Variants in SAMD5 observed in about 807,000 individuals in gnomAD.
SAMD5 encodes the protein sterile alpha motif domain containing 5, also known as sterile alpha motif domain-containing protein 5.
A neutral mutation model predicts 11.3 loss-of-function variants in SAMD5; 13 were observed. The observed-to-expected ratio is 1.15, with a 90% CI of 0.75 to 1.83. The LOEUF (loss-of-function observed/expected upper bound fraction) is 1.83. Ranked by LOEUF, SAMD5 falls within the 40% of genes most tolerant of loss-of-function variation. The probability of loss-of-function intolerance (pLI) is 0.00; values close to 1 mark genes in which losing one functional copy is unlikely to be tolerated. For missense variants in SAMD5, 255 were observed against 239.1 expected, an observed-to-expected ratio of 1.07 and a Z score of -0.44; for synonymous variants, 129 against 111.3, an observed-to-expected ratio of 1.16 and a Z score of -1.00.
chr6:147,545,999 T>G (rs1788679434), intron 1 of SAMD5, among the ~76,000 whole-genome samples: 2 of 152,200 alleles, frequency 1.3e-5, no homozygotes, highest in African/African-American at 4.8e-5. Context: ...TGGGTATTAT[T>G]CAGGATAAGG....
chr6:147,527,804 GT>G (rs36087874), intron 1 of SAMD5, among the ~76,000 whole-genome samples: 2 of 151,844 alleles, frequency 1.3e-5, no homozygotes, highest in Non-Finnish European at 2.9e-5. Flanking sequence ...ATAAAGAAAG[GT>G]TTTTTTTATA....
the SAMD5 span, among the ~76,000 whole-genome samples, chr6:147,918,506 C>A: frequency 6.6e-6 from 1 of 151,960 alleles, no homozygotes; most frequent in African/African-American, 2.4e-5. Context: ...GGCAATCAGG[C>A]AGGAGAAAGA....
At chr6:147,784,639 GACAAT>G in the SAMD5 span, among the ~76,000 whole-genome samples, 1 of 152,134 alleles carries the variant, frequency 6.6e-6, no homozygotes, top group South Asian at 2.1e-4. Context: ...TTTCCTTCAA[GACAAT>G]ACAAATGGTG....
chr6:147,693,256 AG>A (rs949527944), intron 1 of SAMD5, among the ~76,000 whole-genome samples: 1 of 152,180 alleles, frequency 6.6e-6, no homozygotes, highest in African/African-American at 2.4e-5. Context: ...AAGTCCTTTC[AG>A]TGTGTGTGCC....
the SAMD5 span, among the ~76,000 whole-genome samples, chr6:147,873,012 G>T: frequency 6.6e-6 from 1 of 152,164 alleles, no homozygotes; most frequent in Non-Finnish European, 1.5e-5. Context: ...GAACTGAATT[G>T]ATCTATGCCT....
chr6:147,668,378 T>G (rs1790750478), intron 1 of SAMD5, among the ~76,000 whole-genome samples: 1 of 152,206 alleles, frequency 6.6e-6, no homozygotes, highest in Admixed American at 6.5e-5. Context: ...TAGTTTATAA[T>G]TTTTCCCATA....
the SAMD5 span, among the ~76,000 whole-genome samples, chr6:147,904,163 T>C: frequency 6.6e-6 from 1 of 152,152 alleles, no homozygotes; most frequent in Non-Finnish European, 1.5e-5. Context: ...TTCACTAACA[T>C]TGGTTCCTCT....
chr6:147,646,421 T>C (rs1213549808), intron 1 of SAMD5, among the ~76,000 whole-genome samples: 1 of 150,056 alleles, frequency 6.7e-6, no homozygotes, highest in East Asian at 1.9e-4. Context: ...TTTCCACTTA[T>C]GTTTATTGGT....
the SAMD5 span, among the ~76,000 whole-genome samples, chr6:147,897,276 C>A: frequency 3.3e-5 from 5 of 151,986 alleles, no homozygotes; most frequent in African/African-American, 9.7e-5. Flanking sequence ...GAAAAGATAA[C>A]CCGCTAGATT....
At chr6:147,931,829 G>A in the SAMD5 span, among the ~76,000 whole-genome samples, 2 of 152,056 alleles carry the variant, frequency 1.3e-5, no homozygotes, top group African/African-American at 4.8e-5. Flanking sequence ...AACATCTTTG[G>A]TTTCATAGAA....
intron 1 of SAMD5, among the ~76,000 whole-genome samples, chr6:147,541,222 T>A (rs1788599203): frequency 1.3e-5 from 2 of 152,168 alleles, no homozygotes; most frequent in African/African-American, 2.4e-5. Context: ...AGAGCTGGGA[T>A]TACAGGCGTA....
chr6:147,687,153 T>C (rs1020804457), intron 1 of SAMD5, among the ~76,000 whole-genome samples: 18 of 152,178 alleles, frequency 1.2e-4, no homozygotes, highest in Non-Finnish European at 2.2e-4. Context: ...CTACAAGGCA[T>C]AATTACTATT....
At chr6:147,843,529 C>T in the SAMD5 span, among the ~76,000 whole-genome samples, 56,170 of 151,926 alleles carry the variant, frequency 0.37, 12,043 homozygotes, top group African/African-American at 0.6. Context: ...AGACTTCAAA[C>T]AGTCAAAGCC....
chr6:147,717,883 C>T (rs1791490915), intron 1 of SAMD5, among the ~76,000 whole-genome samples: 2 of 151,342 alleles, frequency 1.3e-5, no homozygotes, highest in Admixed American at 6.6e-5. Context: ...CAAAACAAAA[C>T]AAAAAAACTG....
chr6:147,850,104 T>A, the SAMD5 span, among the ~76,000 whole-genome samples: 1,879 of 152,332 alleles, frequency 0.012, 42 homozygotes, highest in South Asian at 0.074. Context: ...TAAAAATTCA[T>A]AGTGCCTAAC....
the SAMD5 span, among the ~76,000 whole-genome samples, chr6:147,807,266 AT>A: frequency 3.1e-3 from 456 of 148,722 alleles, 5 homozygotes; most frequent in Middle Eastern, 0.082. Context: ...CGCCTGGCTA[AT>A]TTTTTTTTTG....
At chr6:147,632,888 A>C (rs559894525) in intron 1 of SAMD5, among the ~76,000 whole-genome samples, 1 of 152,352 alleles carries the variant, frequency 6.6e-6, no homozygotes, top group Non-Finnish European at 1.5e-5. Flanking sequence ...CTTAAAATTA[A>C]TGTAAGTCCT....
chr6:147,579,454 ATTTTTTTTTTTTTT>A (rs3031353), intron 1 of SAMD5, among the ~76,000 whole-genome samples: 8 of 76,918 alleles, frequency 1.0e-4, no homozygotes, highest in Non-Finnish European at 1.8e-4. Flanking sequence ...CAGGCTTTGA[ATTTTTTTTTTTTTT>A]TTTTTTTTTT....
chr6:147,807,233 G>C, the SAMD5 span, among the ~76,000 whole-genome samples: 4 of 152,042 alleles, frequency 2.6e-5, no homozygotes, highest in Non-Finnish European at 5.9e-5. Context: ...CTGAGTAGCT[G>C]GGACTACAGG....
Sources: allele counts gnomAD v4.1 joint callset (sites outside exome capture counted in the v4.1 genomes callset), GRCh38; gene constraint gnomAD v4.1.1; transcripts MANE v1.5; gene names NCBI Gene and HGNC (gene_info 2026-07-23, HGNC 2026-07-21).